PRKCB: variants seen among roughly 807,000 people sequenced by gnomAD.
PRKCB encodes the protein protein kinase C beta type.
Under a neutral mutation model 81.5 loss-of-function variants are expected in PRKCB, and 13 were observed. The ratio of observed to expected loss-of-function variants is 0.16; its 90% confidence interval spans 0.10 to 0.25. The LOEUF is 0.25. PRKCB is among the 10% of genes least tolerant of loss of function. The pLI is 1.00. For synonymous variants in PRKCB, 335 were observed against 321.4 expected (o/e 1.04, Z -0.45); for missense variants, 509 against 875.7 (o/e 0.58, Z 5.29).
chr16:24,193,586 A>T (rs1335092088), intron 16 of PRKCB, among the ~76,000 whole-genome samples: 1 of 152,096 alleles, frequency 6.6e-6, no homozygotes, highest in East Asian at 1.9e-4. Context: ...AAGTACTAGG[A>T]TTACAGGTGT....
At chr16:24,115,452 G>A (rs989090344) in intron 8 of PRKCB, among the ~76,000 whole-genome samples, 6 of 149,704 alleles carry the variant, frequency 4.0e-5, no homozygotes, top group Admixed American at 1.3e-4. Context: ...TATCCCAAGC[G>A]TATTTATCCC....
Position 24,205,144 on chromosome 16 carries a change from CCT to C in PRKCB, c.1864-9513_1864-9512del, listed in dbSNP as rs1491156939. Among the ~76,000 whole-genome samples, 1,165 of 141,322 alleles carry C rather than the reference CCT, an allele frequency of 8.2e-3. 20 individuals are homozygous for C. The highest frequency in any genetic ancestry group is 0.028 in the African/African-American group (1,110 of 39,320). The allele number at this position is 141,322 out of a possible 152,430, so 92.7% of individuals were successfully genotyped here. On this transcript the variant is annotated intron_variant, in intron 16 of 16. Transcript: ENST00000643927. ...CAAAAAAAAAATTATTATTATAATT[CCT>C]TTTTTTTTTTTTTTTTTTTTTAGAG...
intron 2 of PRKCB, among the ~76,000 whole-genome samples, chr16:23,973,836 A>T (rs1306705464): frequency 6.6e-6 from 1 of 151,976 alleles, no homozygotes; most frequent in Non-Finnish European, 1.5e-5. Flanking sequence ...TTGCCCCGCT[A>T]CTGTTTTGTG....
chr16:24,018,529 A>G (rs1965315889), intron 3 of PRKCB, among the ~76,000 whole-genome samples: 1 of 152,254 alleles, frequency 6.6e-6, no homozygotes, highest in African/African-American at 2.4e-5. Flanking sequence ...AATAACTGGA[A>G]GAGCCAAGAG....
chr16:24,096,693 A>ATATATATATATATATATATG (rs1966449608), intron 7 of PRKCB, among the ~76,000 whole-genome samples: 1 of 98,270 alleles, frequency 1.0e-5, no homozygotes, highest in South Asian at 3.5e-4. Flanking sequence ...ATATATATAT[A>ATATATATATATATATATATG]TATATATATA....
At chr16:24,194,676 T>C (rs1460194190) in intron 16 of PRKCB, among the ~76,000 whole-genome samples, 1 of 152,222 alleles carries the variant, frequency 6.6e-6, no homozygotes, top group Non-Finnish European at 1.5e-5. Flanking sequence ...GTTATTATCA[T>C]TGATAATATA....
chr16:24,059,150 G>C (rs1965941714), intron 5 of PRKCB, among the ~76,000 whole-genome samples: 1 of 152,144 alleles, frequency 6.6e-6, no homozygotes, highest in South Asian at 2.1e-4. Flanking sequence ...GTGTCCAGTA[G>C]GCAGATGAAT....
At position 24,191,324 on chromosome 16, in the gene PRKCB, C is replaced by T. The variant is rs143209655; in HGVS notation, c.1863+94C>T. The T allele has an allele frequency of 2.3e-4, 324 of 1,412,332 alleles. 2 individuals carry two copies. The East Asian group carries it at 4.5e-3, about 20-fold the overall frequency. 87.5% of individuals were successfully genotyped at this position (1,412,332 alleles called of 1,614,324 possible). A position where few individuals can be genotyped will look rare whatever the true frequency, so the allele number is the denominator to read the frequency against. On this transcript the variant is annotated intron_variant, in intron 16 of 16. Coordinates refer to ENST00000643927, the MANE Select transcript of PRKCB (RefSeq NM_002738.7). ...TTCCAAATGCTCCCTGAGGGGTAGA[C>T]GTCAATGTGTCTACTGGAACATGGG...
intron 2 of PRKCB, among the ~76,000 whole-genome samples, chr16:23,864,703 A>G (rs1478245427): frequency 6.6e-6 from 1 of 151,984 alleles, no homozygotes; most frequent in Non-Finnish European, 1.5e-5. Context: ...GGTGCTTCTC[A>G]CGACCAGGGC....
chr16:24,182,902 T>TGTGTGTGTGTGTGTGTGTGTG (rs56902454), intron 13 of PRKCB, among the ~76,000 whole-genome samples: 45 of 151,522 alleles, frequency 3.0e-4, no homozygotes, highest in East Asian at 7.8e-4. Flanking sequence ...TGTGTGTGTG[T>TGTGTGTGTGTGTGTGTGTGTG]TTGAGACAGG....
At chr16:24,172,008 G>T (rs995654309) in intron 10 of PRKCB, among the ~76,000 whole-genome samples, 3 of 152,174 alleles carry the variant, frequency 2.0e-5, no homozygotes, top group African/African-American at 7.2e-5. Context: ...CTCCCAAAGT[G>T]CTGGGATTAC....
chr16:23,915,686 T>C (rs1400560613), intron 2 of PRKCB, among the ~76,000 whole-genome samples: 1 of 21,960 alleles, frequency 4.6e-5, no homozygotes, highest in Non-Finnish European at 8.4e-5. Context: ...TGAGACTCTC[T>C]ATCAAAAAAA....
At chr16:24,050,423 T>A (rs1934558544) in intron 5 of PRKCB, among the ~76,000 whole-genome samples, 1 of 152,120 alleles carries the variant, frequency 6.6e-6, no homozygotes, top group Admixed American at 6.5e-5. Context: ...CTAGATCAGC[T>A]GTTTTCAAAC....
intron 3 of PRKCB, among the ~76,000 whole-genome samples, chr16:24,015,001 A>G (rs551304501): frequency 1.3e-5 from 2 of 152,246 alleles, no homozygotes; most frequent in South Asian, 4.1e-4. Flanking sequence ...GGGTTTTACC[A>G]TGTTGGCCAG....
intron 2 of PRKCB, among the ~76,000 whole-genome samples, chr16:23,910,614 G>T (rs1232106702): frequency 1.3e-5 from 2 of 152,072 alleles, no homozygotes; most frequent in Admixed American, 1.3e-4. Flanking sequence ...TATATTCAGA[G>T]ATATTGATTT....
intron 3 of PRKCB, among the ~76,000 whole-genome samples, chr16:24,014,651 A>C (rs1303791024): frequency 6.6e-6 from 1 of 152,206 alleles, no homozygotes; most frequent in Non-Finnish European, 1.5e-5. Flanking sequence ...TAATCTGTAC[A>C]CATCTAGAAA....
Position 24,215,747 on chromosome 16 carries a change from C to A in PRKCB, c.*931C>A. 1 of 985,702 alleles carries A rather than the reference C, an allele frequency of 1.0e-6. No individual in the cohort carries two copies. The highest frequency in any genetic ancestry group is 1.2e-6 in the Non-Finnish European group (1 of 829,896). The allele number at this position is 985,702 out of a possible 1,614,324, so 61.1% of individuals were successfully genotyped here. ...ACAATGACGACCTGCTTTGATTTAACCAAGAAGACGGCTGCGGAGCCTAGC... is the reference window on the plus strand; with the variant it reads ...ACAATGACGACCTGCTTTGATTTAAACAAGAAGACGGCTGCGGAGCCTAGC... On this transcript the variant is annotated 3_prime_UTR_variant, in exon 17 of 17. Coordinates refer to ENST00000643927, the MANE Select transcript of PRKCB (RefSeq NM_002738.7).
At chr16:23,842,759 A>G (rs1432200359) in intron 2 of PRKCB, among the ~76,000 whole-genome samples, 2 of 152,222 alleles carry the variant, frequency 1.3e-5, no homozygotes, top group African/African-American at 4.8e-5. Flanking sequence ...CCAAAGTCTG[A>G]CATGACTCCA....
At chr16:24,063,910 C>T (rs1345591728) in intron 5 of PRKCB, among the ~76,000 whole-genome samples, 1 of 152,168 alleles carries the variant, frequency 6.6e-6, no homozygotes, top group African/African-American at 2.4e-5. Context: ...TGTAGTCTGT[C>T]CATGCTGTGG....
Sources: allele counts gnomAD v4.1 joint callset (sites outside exome capture counted in the v4.1 genomes callset), GRCh38; gene constraint gnomAD v4.1.1; transcripts MANE v1.5; gene names NCBI Gene and HGNC (gene_info 2026-07-23, HGNC 2026-07-21).